CDH12: variants seen among roughly 807,000 people sequenced by gnomAD.
The protein encoded by CDH12 is cadherin 12.
Under a neutral mutation model 74.1 loss-of-function variants are expected in CDH12, and 41 were observed. That is an observed-to-expected ratio of 0.55 (90% CI 0.43 to 0.72). The LOEUF is 0.72. CDH12 is among the 30% of genes least tolerant of loss of function. The pLI, the probability that CDH12 is intolerant of heterozygous loss-of-function variation, is 0.00. For synonymous variants in CDH12, 399 were observed against 355.0 expected, an observed-to-expected ratio of 1.12 and a Z score of -1.39; for missense variants, 945 against 977.2, an observed-to-expected ratio of 0.97 and a Z score of 0.44.
At chr5:22,642,923 C>T (rs1580844990) in intron 1 of CDH12, among the ~76,000 whole-genome samples, 1 of 152,090 alleles carries the variant, frequency 6.6e-6, no homozygotes, top group Non-Finnish European at 1.5e-5. Flanking sequence ...ATTGACTTGA[C>T]TTTTCGTTAC....
intron 9 of CDH12, among the ~76,000 whole-genome samples, chr5:21,808,883 G>A (rs1747586081): frequency 1.3e-5 from 2 of 151,948 alleles, no homozygotes; most frequent in Admixed American, 1.3e-4. Flanking sequence ...CTGTAACAAA[G>A]GGAAAAACAA....
At chr5:22,326,843 T>C (rs1739130715) in intron 3 of CDH12, among the ~76,000 whole-genome samples, 1 of 152,196 alleles carries the variant, frequency 6.6e-6, no homozygotes, top group African/African-American at 2.4e-5. Context: ...GGCAGTGTTG[T>C]ATATGTTGTG....
chr5:22,502,636 T>C (rs1580712980), intron 2 of CDH12, among the ~76,000 whole-genome samples: 2 of 146,230 alleles, frequency 1.4e-5, no homozygotes, highest in African/African-American at 4.9e-5. Flanking sequence ...GCAGTCATCT[T>C]TACACACACA....
At chr5:21,860,807 A>G (rs770372092) in intron 6 of CDH12, among the ~76,000 whole-genome samples, 2 of 151,986 alleles carry the variant, frequency 1.3e-5, no homozygotes, top group Non-Finnish European at 2.9e-5. Flanking sequence ...TGAAGGCTGT[A>G]CTGTTAGCTT....
chr5:22,007,568 T>C (rs530233214), intron 5 of CDH12, among the ~76,000 whole-genome samples: 1 of 152,300 alleles, frequency 6.6e-6, no homozygotes, highest in East Asian at 1.9e-4. Flanking sequence ...TTTGTATCAG[T>C]TGGCCTGCAA....
chr5:22,504,789 T>G (rs1439807086), intron 2 of CDH12, among the ~76,000 whole-genome samples: 1 of 152,018 alleles, frequency 6.6e-6, no homozygotes, highest in African/African-American at 2.4e-5. Flanking sequence ...AAGAGAAAAT[T>G]TATGACTTTA....
chr5:22,111,832 C>T (rs1304802250), intron 4 of CDH12, among the ~76,000 whole-genome samples: 1 of 152,058 alleles, frequency 6.6e-6, no homozygotes, highest in Non-Finnish European at 1.5e-5. Context: ...ATTTGAAATG[C>T]ATGTATACAT....
rs574301747 is a variant in CDH12, at chr5:21,978,752, G to T, written c.232-3367C>A. ...AACTGTGTGGTGAATGTGCGTGTGT[G>T]TATGTATGTATACGCACGTGTTTAT... On this transcript the variant is annotated intron_variant, in intron 5 of 14. Transcript: ENST00000382254. 2.6e-5 allele frequency among the ~76,000 whole-genome samples: 4 copies of T among 152,234 alleles called. No individual in the cohort carries two copies. In the South Asian group the frequency reaches 8.3e-4, roughly 32 times the overall value.
intron 9 of CDH12, among the ~76,000 whole-genome samples, chr5:21,807,903 G>T (rs1747522891): frequency 6.6e-6 from 1 of 152,058 alleles, no homozygotes; most frequent in African/African-American, 2.4e-5. Context: ...TAATTAAGGA[G>T]ATTTTACTTG....
intron 4 of CDH12, among the ~76,000 whole-genome samples, chr5:22,171,438 G>T (rs1449029953): frequency 1.3e-5 from 2 of 151,908 alleles, no homozygotes; most frequent in Non-Finnish European, 2.9e-5. Flanking sequence ...CTGATAATAT[G>T]AGTGTAATAC....
intron 3 of CDH12, among the ~76,000 whole-genome samples, chr5:22,404,973 G>A (rs1742877871): frequency 6.6e-6 from 1 of 152,156 alleles, no homozygotes; most frequent in African/African-American, 2.4e-5. Flanking sequence ...TCTTTGGGAG[G>A]CCAAAGCAGG....
At chr5:21,888,111 C>G (rs1752725823) in intron 6 of CDH12, among the ~76,000 whole-genome samples, 1 of 152,056 alleles carries the variant, frequency 6.6e-6, no homozygotes, top group Admixed American at 6.6e-5. Context: ...TAGTAACATG[C>G]AGGCAAAAAA....
chr5:21,756,956 T>G (rs554327125), intron 13 of CDH12, among the ~76,000 whole-genome samples: 1 of 152,294 alleles, frequency 6.6e-6, no homozygotes, highest in African/African-American at 2.4e-5. Flanking sequence ...AAATGGATAT[T>G]AATTGAATCA....
rs1052426712 is a variant in CDH12 at position 22,156,410 on chromosome 5, G to T, written c.-187+56088C>A. Among the ~76,000 whole-genome samples, 6 of 152,076 alleles carry T rather than the reference G, an allele frequency of 3.9e-5. No homozygotes were observed. In the South Asian group the frequency reaches 1.0e-3, roughly 26 times the overall value. ...TAATTTTTATTATTGAACAATGTTT[G>T]CCTATAAAGTCTTACTCAACTTGAT... On this transcript the variant is annotated intron_variant, in intron 4 of 14. Coordinates refer to ENST00000382254, the MANE Select transcript of CDH12 (RefSeq NM_004061.5).
In CDH12 at chr5:22,808,709, A is replaced by T. The variant is rs542296323; in HGVS notation, c.-523+44349T>A. 1.0e-3 allele frequency among the ~76,000 whole-genome samples: 143 copies of T among 142,922 alleles called. 3 individuals carry two copies. The highest frequency in any genetic ancestry group is 9.3e-3 in the South Asian group (42 of 4,494). The allele number at this position is 142,922 out of a possible 152,430, so 93.8% of individuals were successfully genotyped here. A position where few individuals can be genotyped will look rare whatever the true frequency, so the allele number is the denominator to read the frequency against. On this transcript the variant is annotated intron_variant, in intron 1 of 14. Transcript: ENST00000382254. ...CAACTTCTGCTCCCGGGTTCAAGCG[A>T]ATCTCCTGCCTCAGCCTGTAGCTGA...
intron 6 of CDH12, among the ~76,000 whole-genome samples, chr5:21,909,508 T>TA (rs1451970063): frequency 6.6e-6 from 1 of 152,060 alleles, no homozygotes; most frequent in Non-Finnish European, 1.5e-5. Flanking sequence ...CAATTAGGAT[T>TA]AAAAAAATGA....
At chr5:21,888,585 T>G (rs1193555416) in intron 6 of CDH12, among the ~76,000 whole-genome samples, 2 of 75,422 alleles carry the variant, frequency 2.7e-5, no homozygotes, top group Non-Finnish European at 6.8e-5. Flanking sequence ...GAACTTAAAG[T>G]ATAATAATAA....
Position 22,127,569 on chromosome 5 carries a change from A to G in CDH12, c.-186-48707T>C, listed in dbSNP as rs866720135. ...CAGGACAGGAATCCAGGATGACTTTACTATATTTGAACCATAGAACATTAA... is the reference window on the plus strand; with the variant it reads ...CAGGACAGGAATCCAGGATGACTTTGCTATATTTGAACCATAGAACATTAA... On this transcript the variant is annotated intron_variant, in intron 4 of 14. Coordinates refer to ENST00000382254, the MANE Select transcript of CDH12 (RefSeq NM_004061.5). Among the ~76,000 whole-genome samples, 758 of 151,920 alleles carry G rather than the reference A, an allele frequency of 5.0e-3. 5 individuals are homozygous for G. The highest frequency in any genetic ancestry group is 0.017 in the African/African-American group (698 of 41,448).
intron 2 of CDH12, among the ~76,000 whole-genome samples, chr5:22,453,048 C>G (rs1377333754): frequency 1.3e-5 from 2 of 151,736 alleles, no homozygotes; most frequent in African/African-American, 4.8e-5. Flanking sequence ...CACCTCACTG[C>G]AGTTAAAATG....
Sources: allele counts gnomAD v4.1 joint callset (sites outside exome capture counted in the v4.1 genomes callset), GRCh38; gene constraint gnomAD v4.1.1; transcripts MANE v1.5; gene names NCBI Gene and HGNC (gene_info 2026-07-23, HGNC 2026-07-21).